ATP9B: variants seen among roughly 807,000 people sequenced by gnomAD.
ATP9B encodes the protein ATPase phospholipid transporting 9B.
A neutral mutation model predicts 146.1 loss-of-function variants in ATP9B; 110 were observed. The observed-to-expected ratio is 0.75, with a 90% CI of 0.65 to 0.88. ATP9B has a LOEUF of 0.88. Ranked by LOEUF, ATP9B falls within the 40% of genes least tolerant of loss-of-function variation. The pLI is 0.00. For missense variants in ATP9B, 1,499 were observed against 1,496.4 expected (o/e 1.00, Z -0.03); for synonymous variants, 604 against 569.7 (o/e 1.06, Z -0.86).
chr18:79,275,063 G>A (rs1383443591), intron 12 of ATP9B, among the ~76,000 whole-genome samples: 2 of 152,148 alleles, frequency 1.3e-5, no homozygotes, highest in Non-Finnish European at 2.9e-5. Flanking sequence ...CATTATAGTA[G>A]CTGAGGCAGG....
chr18:79,303,576 G>T, intron 13 of ATP9B, 28 bp from the exon 14 acceptor site: 2 of 1,583,556 alleles, frequency 1.3e-6, no homozygotes, highest in Non-Finnish European at 1.7e-6. Context: ...CTGCATTAAT[G>T]TGTTTGCTGT....
chr18:79,141,205 T>C (rs2094509443), intron 5 of ATP9B, among the ~76,000 whole-genome samples: 1 of 152,122 alleles, frequency 6.6e-6, no homozygotes, highest in Non-Finnish European at 1.5e-5. Context: ...ATAAGGGGCT[T>C]TTCTCCCTTT....
chr18:79,253,052 C>T (rs746248149), intron 11 of ATP9B, among the ~76,000 whole-genome samples: 18 of 152,214 alleles, frequency 1.2e-4, no homozygotes, highest in African/African-American at 7.2e-5. Context: ...TGCTGCGCGC[C>T]GAGCAAGCTT....
chr18:79,340,781 C>G (rs776577695), intron 19 of ATP9B, among the ~76,000 whole-genome samples: 1 of 152,228 alleles, frequency 6.6e-6, no homozygotes, highest in Non-Finnish European at 1.5e-5. Flanking sequence ...TACTATTTGA[C>G]ATGTTTTATT....
chr18:79,268,417 C>A (rs889651834), intron 12 of ATP9B, among the ~76,000 whole-genome samples: 8 of 151,912 alleles, frequency 5.3e-5, no homozygotes, highest in African/African-American at 1.9e-4. Context: ...CTTACCTGTT[C>A]AATATTTTTC....
chr18:79,335,954 G>A (rs548676621), intron 17 of ATP9B, among the ~76,000 whole-genome samples: 1 of 152,178 alleles, frequency 6.6e-6, no homozygotes, highest in East Asian at 1.9e-4. Flanking sequence ...CGCCAGGGGG[G>A]TCCCCCTCTC....
At chr18:79,106,284 T>G (rs142453961) in intron 2 of ATP9B, among the ~76,000 whole-genome samples, 23 of 152,340 alleles carry the variant, frequency 1.5e-4, no homozygotes. Flanking sequence ...TGTTTGCTTC[T>G]CCCTCGTTGT....
intron 13 of ATP9B, among the ~76,000 whole-genome samples, chr18:79,284,657 A>G (rs910351016): frequency 3.3e-5 from 5 of 151,936 alleles, no homozygotes; most frequent in Non-Finnish European, 7.4e-5. Flanking sequence ...GTTTTAGGGT[A>G]CATGTGCACA....
At chr18:79,165,859 T>C (rs2094957092) in intron 7 of ATP9B, among the ~76,000 whole-genome samples, 1 of 152,188 alleles carries the variant, frequency 6.6e-6, no homozygotes, top group Non-Finnish European at 1.5e-5. Context: ...CCTAGGGCAC[T>C]AACATAAAGT....
Position 79,234,353 on chromosome 18 carries a change from C to T in ATP9B, c.1108-19028C>T, listed in dbSNP as rs1383088201. Among the ~76,000 whole-genome samples the T allele has an allele frequency of 2.0e-5, 3 of 152,320 alleles. No individual in the cohort carries two copies. In the South Asian group the frequency reaches 6.2e-4, roughly 32 times the overall value. On this transcript the variant is annotated intron_variant, in intron 11 of 29. Transcript: ENST00000426216. ...TCTCACCGTTGACCTTTTTCCCATT[C>T]CGAGTTCCATGAGCAGTGAGGTGTG...
At chr18:79,110,299 G>T in intron 2 of ATP9B, 56 bp from the exon 3 acceptor site, 1 of 1,462,668 alleles carries the variant, frequency 6.8e-7, no homozygotes, top group South Asian at 1.4e-5. Flanking sequence ...CAATTAGTTT[G>T]AACTTTTTTA....
At chr18:79,236,119 C>T (rs1230862566) in intron 11 of ATP9B, among the ~76,000 whole-genome samples, 2 of 152,198 alleles carry the variant, frequency 1.3e-5, no homozygotes, top group African/African-American at 4.8e-5. Flanking sequence ...AGCAAGAGAA[C>T]TCAAGTTTCT....
Position 79,253,439 on chromosome 18 carries a change from T to G in ATP9B, c.1166T>G (p.Val389Gly). The G allele has an allele frequency of 6.2e-7, 1 of 1,613,580 alleles. No homozygotes were observed. The highest frequency in any genetic ancestry group is 8.5e-7 in the Non-Finnish European group (1 of 1,179,882). The change falls in exon 12 of 30, where the codon GTT (valine) becomes GGT (glycine). Residue 389 changes from valine to glycine, a missense_variant. Val to Gly is a moderately radical substitution (Grantham distance 109, BLOSUM62 -3). Coordinates refer to ENST00000426216, the MANE Select transcript of ATP9B (RefSeq NM_198531.5). ...ACGAAAGCGCTATTTTTGGCTTTAG[T>G]TGCTCTTTCCATTGTTATGGTAACC... The part of the protein sequence containing the change: ...RLTKALFLAL[V>G]ALSIVMVTLQ...
intron 10 of ATP9B, among the ~76,000 whole-genome samples, chr18:79,210,554 T>C (rs1433913250): frequency 6.6e-6 from 1 of 152,130 alleles, no homozygotes; most frequent in Non-Finnish European, 1.5e-5. Flanking sequence ...TGTGCACCAG[T>C]TTTGGTCTAG....
At chr18:79,264,336 T>C (rs1046112543) in intron 12 of ATP9B, among the ~76,000 whole-genome samples, 6 of 152,180 alleles carry the variant, frequency 3.9e-5, no homozygotes, top group African/African-American at 1.4e-4. Flanking sequence ...TATTAGCTAT[T>C]TAGATTTTCT....
chr18:79,312,016 G>A (rs1017528914), intron 15 of ATP9B, among the ~76,000 whole-genome samples: 1 of 152,140 alleles, frequency 6.6e-6, no homozygotes, highest in African/African-American at 2.4e-5. Context: ...TTCTGTTCCC[G>A]AGACCTCTCT....
At chr18:79,361,659 G>A (rs2096989574) in intron 26 of ATP9B, 4 of 445,272 alleles carry the variant, frequency 9.0e-6, no homozygotes, top group Non-Finnish European at 1.2e-5. Flanking sequence ...CTAAAGTACT[G>A]AGCCACTAAA....
chr18:79,152,065 A>G (rs1193943391), intron 6 of ATP9B, among the ~76,000 whole-genome samples: 1 of 152,246 alleles, frequency 6.6e-6, no homozygotes, highest in Non-Finnish European at 1.5e-5. Context: ...GCCAACAAAC[A>G]TGAAAAAAAG....
At chr18:79,142,853 G>A (rs894164276) in intron 5 of ATP9B, among the ~76,000 whole-genome samples, 6 of 152,152 alleles carry the variant, frequency 3.9e-5, no homozygotes, top group South Asian at 2.1e-4. Flanking sequence ...TGGGAAATAC[G>A]ATCTTTTAAT....
Sources: allele counts gnomAD v4.1 joint callset (sites outside exome capture counted in the v4.1 genomes callset), GRCh38; gene constraint gnomAD v4.1.1; transcripts MANE v1.5; gene names NCBI Gene and HGNC (gene_info 2026-07-23, HGNC 2026-07-21).